CREB3L3: variants seen among roughly 807,000 people sequenced by gnomAD.
CREB3L3 encodes the protein cAMP responsive element binding protein 3 like 3, also known as cyclic AMP-responsive element-binding protein 3-like protein 3.
In CREB3L3, 40 loss-of-function variants were observed where a neutral mutation model predicts 44.6. That is an observed-to-expected ratio of 0.90 (90% CI 0.70 to 1.17). The LOEUF is 1.17. Ranked by LOEUF, CREB3L3 falls within the 50% of genes most tolerant of loss-of-function variation. The pLI is 0.00. For synonymous variants in CREB3L3, 273 were observed against 256.3 expected (o/e 1.06, Z -0.62); for missense variants, 578 against 595.8 (o/e 0.97, Z 0.31).
At chr19:4,157,819 G>A (rs1318921658) in intron 3 of CREB3L3, among the ~76,000 whole-genome samples, 4 of 152,058 alleles carry the variant, frequency 2.6e-5, no homozygotes, top group Non-Finnish European at 5.9e-5. Flanking sequence ...CTGAGTAGCT[G>A]GGATCACAAG....
intron 5 of CREB3L3, among the ~76,000 whole-genome samples, chr19:4,167,350 GAA>G (rs1447448996): frequency 1.3e-4 from 9 of 67,772 alleles, no homozygotes; most frequent in Admixed American, 1.2e-3. Flanking sequence ...AAGAAAGAAA[GAA>G]AGAGAGAGAG....
chr19:4,170,274 G>A, intron 7 of CREB3L3, 66 bp downstream of exon 7: 1 of 1,482,990 alleles, frequency 6.7e-7, no homozygotes, highest in African/African-American at 1.4e-5. Flanking sequence ...TGCAGGAAGA[G>A]CAGAGAGCCC....
intron 5 of CREB3L3, among the ~76,000 whole-genome samples, chr19:4,167,026 G>A (rs1002995562): frequency 6.6e-6 from 1 of 152,048 alleles, no homozygotes; most frequent in Non-Finnish European, 1.5e-5. Context: ...GAACCACCGC[G>A]CCCAGCCTGA....
intron 3 of CREB3L3, among the ~76,000 whole-genome samples, chr19:4,159,300 G>A (rs982531664): frequency 5.3e-5 from 8 of 152,026 alleles, no homozygotes; most frequent in Non-Finnish European, 8.8e-5. Flanking sequence ...ACAGGTGCAC[G>A]CCACCAGGCC....
intron 1 of CREB3L3, among the ~76,000 whole-genome samples, chr19:4,154,042 C>G (rs1364793804): frequency 2.6e-5 from 4 of 152,110 alleles, no homozygotes; most frequent in African/African-American, 4.8e-5. Flanking sequence ...TAGGGCCTCT[C>G]TCCAGCACTT....
chr19:4,171,914 G>A lies in CREB3L3; in HGVS notation c.1331G>A (p.Gly444Glu). Residue 444 changes from glycine to glutamate, a missense_variant, in exon 10 of 10, where the codon GGG becomes GAG. Transcript: ENST00000078445. The surrounding 1 kb of genome is among the most constrained non-coding windows in gnomAD (Gnocchi z 4.9). The stretch of plus-strand genomic sequence containing the variant: ...GCCCTGCTGGACTGGGTGGCGCCTG[G>A]GCCGAGCACTGGCTCAGGACGTGCA... ...QVALLDWVAP[G>E]PSTGSGRAGL... The A allele has an allele frequency of 6.2e-7, 1 of 1,611,946 alleles. No individual in the cohort carries two copies. The highest frequency in any genetic ancestry group is 8.5e-7 in the Non-Finnish European group (1 of 1,179,538).
At chr19:4,166,700 C>A (rs1966914238) in intron 5 of CREB3L3, among the ~76,000 whole-genome samples, 1 of 150,934 alleles carries the variant, frequency 6.6e-6, no homozygotes, top group African/African-American at 2.4e-5. Flanking sequence ...CTGGCCCCAT[C>A]TGTTTCTATT....
At chr19:4,160,879 G>A (rs552027919) in intron 4 of CREB3L3, among the ~76,000 whole-genome samples, 3 of 147,660 alleles carry the variant, frequency 2.0e-5, no homozygotes, top group African/African-American at 7.5e-5. Context: ...GACTACAGGA[G>A]CATGCCGCGC....
chr19:4,163,807 CTTTTT>C (rs201891215), intron 4 of CREB3L3, among the ~76,000 whole-genome samples: 1 of 134,222 alleles, frequency 7.5e-6, no homozygotes, highest in South Asian at 2.4e-4. Flanking sequence ...GCCACCTTTT[CTTTTT>C]TTTTTTTTTT....
chr19:4,167,999 T>TTATC (rs1555704063), intron 5 of CREB3L3, among the ~76,000 whole-genome samples: 7 of 146,028 alleles, frequency 4.8e-5, no homozygotes, highest in Admixed American at 3.7e-4. Flanking sequence ...ATTTATTTAT[T>TTATC]TATCTATTTA....
chr19:4,168,398 G>T lies in CREB3L3; in HGVS notation c.762G>T (p.Lys254Asn). ...AAATCCGCCGGAAAATCCGGAACAAGCAGTCGGCGCAAGAAAGCAGGAAGA... is the reference window on the plus strand; with the variant it reads ...AAATCCGCCGGAAAATCCGGAACAATCAGTCGGCGCAAGAAAGCAGGAAGA... ...LKKIRRKIRN[K>N]QSAQESRKKK... Residue 254 changes from lysine (K) to asparagine (N), a missense_variant, in exon 6 of 10, where the codon AAG becomes AAT. By Grantham distance (94) the Lys-to-Asn change is moderately conservative. Transcript: ENST00000078445. The T allele has an allele frequency of 6.2e-7, 1 of 1,611,574 alleles. No individual in the cohort carries two copies. Among genetic ancestry groups the T allele is most frequent in the Non-Finnish European group, 8.5e-7 (1 of 1,178,590 alleles).
At chr19:4,164,329 A>T in intron 4 of CREB3L3, 174 bp from the exon 5 acceptor site, 1 of 767,394 alleles carries the variant, frequency 1.3e-6, no homozygotes, top group East Asian at 2.6e-5. Context: ...GCTGGTCTCG[A>T]TCTCCTGAGC....
chr19:4,170,985 A>G (rs1967032522), intron 7 of CREB3L3, 106 bp from the exon 8 acceptor site: 1 of 782,632 alleles, frequency 1.3e-6, no homozygotes. Flanking sequence ...GCCCTTGAAG[A>G]ATGGATGGAA....
chr19:4,158,618 G>C (rs913161923), intron 3 of CREB3L3, among the ~76,000 whole-genome samples: 4 of 152,050 alleles, frequency 2.6e-5, no homozygotes, highest in African/African-American at 9.7e-5. Flanking sequence ...TGGCCAACAT[G>C]GTGAAACCTC....
Position 4,171,017 on chromosome 19 carries a change from G to A in CREB3L3, c.891-74G>A. The A allele has an allele frequency of 8.7e-7, 1 of 1,147,976 alleles. No homozygotes were observed. The highest frequency in any genetic ancestry group is 1.3e-6 in the Non-Finnish European group (1 of 754,360). The allele number at this position is 1,147,976 out of a possible 1,614,324, so 71.1% of individuals were successfully genotyped here. On this transcript the variant is annotated intron_variant, in intron 7 of 9. Coordinates refer to ENST00000078445, the MANE Select transcript of CREB3L3 (RefSeq NM_032607.3). This position sits in a 1 kb window ranked among gnomAD's most constrained non-coding sequence, Gnocchi z 4.9. ...GGAATTTGGACTTTAGCGGGGCTGG[G>A]GGACCCCGGAAATGGACGAGAAGCA...
chr19:4,156,124 C>A (rs928434679), intron 2 of CREB3L3, among the ~76,000 whole-genome samples: 5 of 109,044 alleles, frequency 4.6e-5, no homozygotes, highest in South Asian at 3.6e-4. Flanking sequence ...TCTCTCCCCC[C>A]CTCTCTCTCT....
chr19:4,155,508 G>T (rs1268856565), intron 2 of CREB3L3, among the ~76,000 whole-genome samples: 8 of 151,540 alleles, frequency 5.3e-5, no homozygotes, highest in Non-Finnish European at 1.0e-4. Context: ...ACAGGCGCCC[G>T]CCACTGCACC....
At position 4,171,642 on chromosome 19, in the gene CREB3L3, C is replaced by T. The variant is rs754160043; in HGVS notation, c.1073-14C>T. On this transcript the variant is annotated splice_polypyrimidine_tract_variant and intron_variant, in intron 9 of 9. Coordinates refer to ENST00000078445, the MANE Select transcript of CREB3L3 (RefSeq NM_032607.3). This position sits in a 1 kb window ranked among gnomAD's most constrained non-coding sequence, Gnocchi z 4.9. Reference sequence around the variant, plus strand: ...TCCACCTTGTCCCCTGTGATGCCCCCCTTCCCCAATCAGTGTTCTCCAGAA... The same window carrying T: ...TCCACCTTGTCCCCTGTGATGCCCCTCTTCCCCAATCAGTGTTCTCCAGAA... 5.0e-6 allele frequency: 8 copies of T among 1,613,362 alleles called. No homozygotes were observed. In the South Asian group the frequency reaches 8.8e-5, roughly 18 times the overall value.
chr19:4,172,628 G>C lies in CREB3L3; in HGVS notation c.*659G>C, dbSNP rs566260786. 7 of 226,754 alleles carry C rather than the reference G, an allele frequency of 3.1e-5. 1 individual carries two copies. The South Asian group carries it at 3.4e-4, about 11-fold the overall frequency. 14.0% of individuals were successfully genotyped at this position (226,754 alleles called of 1,614,324 possible). On this transcript the variant is annotated 3_prime_UTR_variant, in exon 10 of 10. Transcript: ENST00000078445. ...CCAGACAAACAGACAGACACAGCCT[G>C]AAACAGACCCAGACACAGCCTGAAA...
Sources: allele counts gnomAD v4.1 joint callset (sites outside exome capture counted in the v4.1 genomes callset), GRCh38; gene constraint gnomAD v4.1.1; non-coding constraint Gnocchi (gnomAD v3.1); transcripts MANE v1.5; gene names NCBI Gene and HGNC (gene_info 2026-07-23, HGNC 2026-07-21).